Variants in RSU1 observed in about 807,000 individuals in gnomAD.
RSU1 encodes the protein Ras suppressor protein 1, also known as rsu-1.
A neutral mutation model predicts 31.1 loss-of-function variants in RSU1; 26 were observed. The observed-to-expected ratio is 0.84, with a 90% confidence interval of 0.61 to 1.16. The LOEUF is 1.16. Among genes scored for constraint, RSU1 ranks in the 50% most tolerant of loss-of-function variants. The pLI is 0.00. For synonymous variants in RSU1, 164 were observed against 136.3 expected (o/e 1.20, Z -1.41); for missense variants, 320 against 339.1 (o/e 0.94, Z 0.44).
intron 7 of RSU1, among the ~76,000 whole-genome samples, chr10:16,716,968 T>A (rs1564329952): frequency 6.6e-6 from 1 of 152,178 alleles, no homozygotes; most frequent in Admixed American, 6.5e-5. Context: ...GTATGGGAAT[T>A]TTTTCAGCCA....
At chr10:16,695,228 A>T (rs1281155871) in intron 7 of RSU1, 73 bp from the exon 8 acceptor site, 1 of 1,431,416 alleles carries the variant, frequency 7.0e-7, no homozygotes, top group African/African-American at 1.4e-5. Flanking sequence ...CCTTCTCAGT[A>T]ATCACAGCCT....
chr10:16,627,387 G>C (rs1239863232), intron 8 of RSU1, among the ~76,000 whole-genome samples: 1 of 152,142 alleles, frequency 6.6e-6, no homozygotes, highest in African/African-American at 2.4e-5. Flanking sequence ...GCATTGTAGT[G>C]GCATGACAAA....
At chr10:16,738,452 A>G (rs1161219442) in intron 7 of RSU1, among the ~76,000 whole-genome samples, 5 of 150,968 alleles carry the variant, frequency 3.3e-5, no homozygotes, top group Non-Finnish European at 7.4e-5. Context: ...CTCTGTCTCA[A>G]AAAAAAAGAA....
chr10:16,804,067 A>AACAC (rs1838216099), intron 2 of RSU1, among the ~76,000 whole-genome samples: 1 of 152,344 alleles, frequency 6.6e-6, no homozygotes, highest in South Asian at 2.1e-4. Context: ...AGTATTTGTT[A>AACAC]ACACACATAT....
intron 3 of RSU1, among the ~76,000 whole-genome samples, chr10:16,768,780 C>A (rs1837369463): frequency 6.6e-6 from 1 of 152,178 alleles, no homozygotes; most frequent in African/African-American, 2.4e-5. Context: ...CCAGACTTGG[C>A]AATTCAGCAC....
At chr10:16,805,114 G>C (rs767635418) in intron 2 of RSU1, among the ~76,000 whole-genome samples, 1 of 151,642 alleles carries the variant, frequency 6.6e-6, no homozygotes, top group African/African-American at 2.4e-5. Flanking sequence ...GGCTGAGGCA[G>C]GAGCATCCCT....
chr10:16,787,109 C>A (rs996012135), intron 2 of RSU1, among the ~76,000 whole-genome samples: 3 of 152,244 alleles, frequency 2.0e-5, no homozygotes, highest in Middle Eastern at 3.4e-3. Context: ...TCCTTGGACA[C>A]GTGTTGATGG....
At chr10:16,708,998 G>T (rs1217959618) in intron 7 of RSU1, among the ~76,000 whole-genome samples, 44 of 142,724 alleles carry the variant, frequency 3.1e-4, no homozygotes, top group Non-Finnish European at 5.5e-4. Flanking sequence ...GAGTCCTTTG[G>T]TTTTTTTTTT....
chr10:16,623,032 T>C (rs1588679491), intron 8 of RSU1, among the ~76,000 whole-genome samples: 2 of 152,356 alleles, frequency 1.3e-5, no homozygotes, highest in Admixed American at 1.3e-4. Context: ...CTAATCTTTT[T>C]TTTTTCCCCC....
At chr10:16,711,035 A>G (rs947142162) in intron 7 of RSU1, among the ~76,000 whole-genome samples, 3 of 152,202 alleles carry the variant, frequency 2.0e-5, no homozygotes, top group Admixed American at 2.0e-4. Flanking sequence ...CACATGGTGT[A>G]TATGTGCCAC....
At chr10:16,815,685 G>GA (rs1838513763) in intron 2 of RSU1, among the ~76,000 whole-genome samples, 1 of 152,052 alleles carries the variant, frequency 6.6e-6, no homozygotes, top group Admixed American at 6.6e-5. Context: ...GATTAAAAAA[G>GA]AAAAAAATCA....
In RSU1 at chr10:16,695,163, G is replaced by T. The variant is rs769882245; in HGVS notation, c.599-8C>A. 2.7e-6 allele frequency: 4 copies of T among 1,472,934 alleles called. No individual in the cohort carries two copies. Among genetic ancestry groups the T allele is most frequent in the South Asian group, 1.2e-5 (1 of 83,306 alleles). The allele number at this position is 1,472,934 out of a possible 1,614,324, so 91.2% of individuals were successfully genotyped here. On this transcript the variant is annotated splice_region_variant and splice_polypyrimidine_tract_variant and intron_variant, in intron 7 of 8. Coordinates refer to ENST00000345264, the MANE Select transcript of RSU1 (RefSeq NM_012425.4). ...CAGTTAAATCCAAGTTTCCTGGGGG[G>T]GGGGAAAAAAAAAGTGAAGGTCACT... is the stretch of plus-strand genomic sequence containing the variant.
At chr10:16,629,045 C>T (rs1459633323) in intron 8 of RSU1, among the ~76,000 whole-genome samples, 1 of 152,200 alleles carries the variant, frequency 6.6e-6, no homozygotes, top group Non-Finnish European at 1.5e-5. Flanking sequence ...ACTATCAACA[C>T]CGCTGCCATG....
At chr10:16,663,256 T>C (rs1053882996) in intron 8 of RSU1, among the ~76,000 whole-genome samples, 4 of 152,206 alleles carry the variant, frequency 2.6e-5, no homozygotes, top group African/African-American at 9.7e-5. Flanking sequence ...TACGTGCTCC[T>C]GTACACCAGG....
At chr10:16,680,551 A>T (rs931461373) in intron 8 of RSU1, among the ~76,000 whole-genome samples, 5 of 152,134 alleles carry the variant, frequency 3.3e-5, no homozygotes, top group African/African-American at 7.2e-5. Flanking sequence ...GGAAGTTTAC[A>T]AACATGGCAG....
At chr10:16,783,025 C>A (rs1837689801) in intron 2 of RSU1, among the ~76,000 whole-genome samples, 1 of 151,956 alleles carries the variant, frequency 6.6e-6, no homozygotes, top group African/African-American at 2.4e-5. Flanking sequence ...ATTCTCCTGC[C>A]TCAGCCTCCC....
intron 2 of RSU1, among the ~76,000 whole-genome samples, chr10:16,796,584 A>G (rs1838037994): frequency 6.6e-6 from 1 of 152,200 alleles, no homozygotes; most frequent in South Asian, 2.1e-4. Context: ...GCCACTGCTC[A>G]ACAAGTATGA....
chr10:16,728,027 T>C (rs576932550), intron 7 of RSU1, among the ~76,000 whole-genome samples: 1 of 152,344 alleles, frequency 6.6e-6, no homozygotes, highest in Non-Finnish European at 1.5e-5. Context: ...TAGGGCTCCC[T>C]GTCTTCAACA....
intron 2 of RSU1, among the ~76,000 whole-genome samples, chr10:16,810,902 A>C (rs911259657): frequency 1.3e-5 from 2 of 152,030 alleles, no homozygotes; most frequent in African/African-American, 4.8e-5. Context: ...TGTGCCTGTA[A>C]TCTACGCTAC....
Sources: allele counts gnomAD v4.1 joint callset (sites outside exome capture counted in the v4.1 genomes callset), GRCh38; gene constraint gnomAD v4.1.1; transcripts MANE v1.5; gene names NCBI Gene and HGNC (gene_info 2026-07-23, HGNC 2026-07-21).